Variants in NCALD observed in about 807,000 individuals in gnomAD.
NCALD encodes the protein neurocalcin delta, also known as neurocalcin-delta.
In NCALD, 10 loss-of-function variants were observed where a neutral mutation model predicts 18.6. The observed-to-expected ratio is 0.54, with a 90% confidence interval of 0.33 to 0.91. The LOEUF is 0.91. Ranked by LOEUF, NCALD falls within the 40% of genes least tolerant of loss-of-function variation. The pLI is 0.03. For missense variants in NCALD, 184 were observed against 247.6 expected (o/e 0.74, Z 1.72); for synonymous variants, 88 against 87.4 (o/e 1.01, Z -0.04).
chr8:101,810,550 A>G (rs918248839), intron 4 of NCALD, among the ~76,000 whole-genome samples: 2 of 152,196 alleles, frequency 1.3e-5, no homozygotes, highest in African/African-American at 4.8e-5. Context: ...AGAATTATGA[A>G]TTTATATTTA....
chr8:102,108,041 A>G (rs1337444288), intron 1 of NCALD, among the ~76,000 whole-genome samples: 1 of 152,056 alleles, frequency 6.6e-6, no homozygotes, highest in East Asian at 1.9e-4. Context: ...CCGCCAGCAG[A>G]GAAGGCAAAA....
chr8:101,888,208 A>G (rs913187401), intron 3 of NCALD, among the ~76,000 whole-genome samples: 1 of 152,142 alleles, frequency 6.6e-6, no homozygotes, highest in Non-Finnish European at 1.5e-5. Context: ...GAGGAAAGGG[A>G]AAGTGGGAAG....
chr8:101,848,767 C>T (rs1695374808), intron 4 of NCALD, among the ~76,000 whole-genome samples: 1 of 152,012 alleles, frequency 6.6e-6, no homozygotes, highest in Non-Finnish European at 1.5e-5. Context: ...AAAATTCAGC[C>T]TGGAATATGT....
At chr8:101,798,651 A>T (rs1334223220) in intron 4 of NCALD, among the ~76,000 whole-genome samples, 2 of 152,252 alleles carry the variant, frequency 1.3e-5, no homozygotes, top group African/African-American at 4.8e-5. Flanking sequence ...GATATATATA[A>T]AATTATTCTG....
chr8:102,108,702 A>C (rs960947335), intron 1 of NCALD, among the ~76,000 whole-genome samples: 2 of 152,130 alleles, frequency 1.3e-5, no homozygotes, highest in African/African-American at 4.8e-5. Flanking sequence ...CACATCTGAC[A>C]TAGTGCCTTG....
intron 4 of NCALD, among the ~76,000 whole-genome samples, chr8:101,824,106 A>C (rs1435749336): frequency 1.3e-5 from 2 of 152,256 alleles, no homozygotes; most frequent in African/African-American, 4.8e-5. Flanking sequence ...TAAGGGAAGA[A>C]CAAAATACCT....
At chr8:101,879,393 C>T (rs1025471058) in intron 4 of NCALD, among the ~76,000 whole-genome samples, 5 of 152,106 alleles carry the variant, frequency 3.3e-5, no homozygotes, top group Non-Finnish European at 5.9e-5. Context: ...CTCTTAAGGC[C>T]GCCAGTCTGG....
chr8:102,020,556 T>C (rs1212441187), intron 1 of NCALD: 1 of 152,216 alleles, frequency 6.6e-6, no homozygotes, highest in Admixed American at 6.5e-5. Context: ...GATTCCCTTG[T>C]ATCATTTGCT....
At chr8:101,895,597 T>C (rs1226067247) in intron 3 of NCALD, among the ~76,000 whole-genome samples, 1 of 148,892 alleles carries the variant, frequency 6.7e-6, no homozygotes, top group Non-Finnish European at 1.5e-5. Flanking sequence ...GATGACATGA[T>C]TGTATATCTA....
At chr8:102,017,719 A>C (rs1822137379) in intron 2 of NCALD, among the ~76,000 whole-genome samples, 1 of 152,198 alleles carries the variant, frequency 6.6e-6, no homozygotes, top group Non-Finnish European at 1.5e-5. Flanking sequence ...AACAAAACAA[A>C]GTACTCTTCC....
rs11433689 is a variant in NCALD, at chr8:101,949,775, CA to C, written c.-156-33918del. ...ATGATCCTTATGCCCCAGGTTGAGA[CA>C]AAAAAAAAAATCAGGTGATATTATG... On this transcript the variant is annotated intron_variant, in intron 2 of 6. Coordinates refer to the NCALD transcript ENST00000311028. Among the ~76,000 whole-genome samples the C allele has an allele frequency of 7.0e-4, 104 of 148,364 alleles. 1 individual carries two copies. The South Asian group carries it at 0.015, about 22-fold the overall frequency.
Position 102,087,615 on chromosome 8 carries a change from G to T in NCALD, c.-210+36622C>A, listed in dbSNP as rs570369736. Among the ~76,000 whole-genome samples the T allele has an allele frequency of 4.9e-4, 74 of 152,264 alleles. 1 individual carries two copies. The South Asian group carries it at 0.015, about 31-fold the overall frequency. On this transcript the variant is annotated intron_variant, in intron 1 of 6. Coordinates refer to the NCALD transcript ENST00000311028. ...TTAGAGGGTCAGTAAAGTTGCTTTCGACCAAGACCGGGTTTGGCACTATGG... is the reference window on the plus strand; with the variant it reads ...TTAGAGGGTCAGTAAAGTTGCTTTCTACCAAGACCGGGTTTGGCACTATGG...
At chr8:101,843,229 A>G (rs1179123583) in intron 4 of NCALD, among the ~76,000 whole-genome samples, 2 of 152,234 alleles carry the variant, frequency 1.3e-5, no homozygotes, top group Admixed American at 1.3e-4. Flanking sequence ...AAATGAGTCA[A>G]ACTAGTCCAG....
chr8:101,904,748 CCT>C (rs1162296562), intron 3 of NCALD, among the ~76,000 whole-genome samples: 1 of 152,182 alleles, frequency 6.6e-6, no homozygotes, highest in Non-Finnish European at 1.5e-5. Context: ...TGCAGCCAGA[CCT>C]CTCTCTGCTT....
intron 4 of NCALD, chr8:101,871,863 G>A (rs1272148330): frequency 3.5e-6 from 2 of 578,286 alleles, no homozygotes; most frequent in African/African-American, 1.9e-5. Context: ...CCCTCCTCAT[G>A]GGGACAGAGC....
intron 2 of NCALD, among the ~76,000 whole-genome samples, chr8:101,966,455 G>A (rs1820034825): frequency 6.8e-6 from 1 of 147,776 alleles, no homozygotes; most frequent in Non-Finnish European, 1.5e-5. Flanking sequence ...ACACAGGAAG[G>A]GGAACATCAC....
At chr8:101,739,612 G>A (rs945149147) in intron 1 of NCALD, among the ~76,000 whole-genome samples, 13 of 151,844 alleles carry the variant, frequency 8.6e-5, no homozygotes, top group South Asian at 2.1e-4. Context: ...TGAGTCTTCC[G>A]GCTTCCATCT....
At chr8:102,123,558 G>A (rs1203993220) in intron 1 of NCALD, among the ~76,000 whole-genome samples, 1 of 151,830 alleles carries the variant, frequency 6.6e-6, no homozygotes, top group Non-Finnish European at 1.5e-5. Flanking sequence ...GCTTCTCTGG[G>A]AGCTAAAAAT....
At chr8:101,895,684 A>G (rs1274807086) in intron 3 of NCALD, among the ~76,000 whole-genome samples, 1 of 149,188 alleles carries the variant, frequency 6.7e-6, no homozygotes, top group Admixed American at 6.6e-5. Flanking sequence ...TACAAAATCA[A>G]TGTGCAAAAA....
Sources: allele counts gnomAD v4.1 joint callset (sites outside exome capture counted in the v4.1 genomes callset), GRCh38; gene constraint gnomAD v4.1.1; transcripts MANE v1.5; gene names NCBI Gene and HGNC (gene_info 2026-07-23, HGNC 2026-07-21).